The following EFR3A variants were observed in gnomAD, a reference collection of about 807,000 sequenced individuals.
EFR3A encodes the protein EFR3 homolog A.
In EFR3A, 76 loss-of-function variants were observed where a neutral mutation model predicts 104.4. The ratio of observed to expected loss-of-function variants is 0.73; its 90% confidence interval spans 0.60 to 0.88. The LOEUF is 0.88. EFR3A is among the 40% of genes least tolerant of loss of function. The probability of loss-of-function intolerance (pLI) is 0.00; values close to 1 mark genes in which losing one functional copy is unlikely to be tolerated. For synonymous variants in EFR3A, 330 were observed against 330.0 expected (o/e 1.00, Z 0.00); for missense variants, 985 against 1,012.5 (o/e 0.97, Z 0.37).
intron 1 of EFR3A, among the ~76,000 whole-genome samples, chr8:131,932,897 C>T (rs1319237760): frequency 1.3e-5 from 2 of 152,026 alleles, no homozygotes; most frequent in African/African-American, 4.8e-5. Context: ...TTGCCTTATG[C>T]CTTTCCTCTG....
At chr8:131,964,880 G>C (rs1015644242) in intron 8 of EFR3A, among the ~76,000 whole-genome samples, 1 of 143,436 alleles carries the variant, frequency 7.0e-6, no homozygotes, top group African/African-American at 2.5e-5. Flanking sequence ...ATAGACCAAT[G>C]GAACAGAACA....
intron 14 of EFR3A, 132 bp downstream of exon 14, chr8:131,979,553 A>G (rs2130736246): frequency 1.6e-6 from 1 of 606,938 alleles, no homozygotes; most frequent in East Asian, 2.9e-5. Flanking sequence ...TCAAGACGCC[A>G]TCTTCAGCCT....
intron 1 of EFR3A, among the ~76,000 whole-genome samples, chr8:131,934,254 C>A (rs1817761856): frequency 6.6e-6 from 1 of 152,106 alleles, no homozygotes; most frequent in East Asian, 1.9e-4. Flanking sequence ...GCCGTCCTGC[C>A]TAGTGTTGCT....
chr8:131,970,196 G>T (rs1484574595), intron 9 of EFR3A, among the ~76,000 whole-genome samples: 1 of 152,120 alleles, frequency 6.6e-6, no homozygotes, highest in African/African-American at 2.4e-5. Context: ...AAAGTTTTTG[G>T]TAATTCTTAT....
chr8:131,988,223 G>T (rs1820998022), intron 18 of EFR3A, among the ~76,000 whole-genome samples: 1 of 151,574 alleles, frequency 6.6e-6, no homozygotes, highest in Non-Finnish European at 1.5e-5. Flanking sequence ...AATTCTGTTT[G>T]AAGGCAAAAT....
chr8:131,943,154 A>C (rs1422115391), intron 2 of EFR3A, among the ~76,000 whole-genome samples: 1 of 152,082 alleles, frequency 6.6e-6, no homozygotes, highest in East Asian at 1.9e-4. Context: ...TGGATTAGGG[A>C]TATCTAAGTA....
chr8:131,948,775 A>G (rs919399185), intron 4 of EFR3A, among the ~76,000 whole-genome samples: 2 of 152,126 alleles, frequency 1.3e-5, no homozygotes, highest in Admixed American at 1.3e-4. Flanking sequence ...ATGCCATGTT[A>G]TCTTGACCAA....
chr8:131,990,314 C>T (rs1821108466), intron 18 of EFR3A, among the ~76,000 whole-genome samples: 1 of 152,120 alleles, frequency 6.6e-6, no homozygotes, highest in African/African-American at 2.4e-5. Context: ...TTATTAGGGA[C>T]ATTTAGGGTC....
chr8:132,011,070 C>G lies in EFR3A; in HGVS notation c.*175C>G. ...GAAGTTTTGGAGCTATATATAATTT[C>G]GAGTACTTTCAAAGATAGATTTATG... On this transcript the variant is annotated 3_prime_UTR_variant, in exon 23 of 23. Transcript: ENST00000254624. 1 of 1,255,992 alleles carries G rather than the reference C, an allele frequency of 8.0e-7. No individual in the cohort carries two copies. The highest frequency in any genetic ancestry group is 1.0e-6 in the Non-Finnish European group (1 of 994,928). The allele number at this position is 1,255,992 out of a possible 1,614,324, so 77.8% of individuals were successfully genotyped here. A position where few individuals can be genotyped will look rare whatever the true frequency, so the allele number is the denominator to read the frequency against.
rs1444941270 is a variant in EFR3A, at chr8:131,953,973, TA to T, written c.638+13del. On this transcript the variant is annotated splice_region_variant and intron_variant, in intron 6 of 22. Coordinates refer to ENST00000254624, the MANE Select transcript of EFR3A (RefSeq NM_015137.6). Reference sequence around the variant, plus strand: ...AAGATAGAAGAAGTTGACAGGTATTTAAAAAAATATTAGTGTTGAGACAGTG... The same window carrying T: ...AAGATAGAAGAAGTTGACAGGTATTTAAAAAATATTAGTGTTGAGACAGTG... 6.6e-7 allele frequency: 1 copy of T among 1,524,896 alleles called. No individual in the cohort carries two copies. 94.5% of individuals were successfully genotyped at this position (1,524,896 alleles called of 1,614,324 possible).
At chr8:131,916,798 G>A (rs1350854559) in intron 1 of EFR3A, among the ~76,000 whole-genome samples, 7 of 152,138 alleles carry the variant, frequency 4.6e-5, no homozygotes, top group African/African-American at 9.7e-5. Flanking sequence ...AGAAACACTG[G>A]ACAGTCTCTT....
intron 8 of EFR3A, among the ~76,000 whole-genome samples, chr8:131,967,029 C>T (rs1337550128): frequency 6.6e-6 from 1 of 152,082 alleles, no homozygotes; most frequent in Non-Finnish European, 1.5e-5. Context: ...GCAGTGTCCC[C>T]ATTTGGACAG....
chr8:131,941,226 A>G lies in EFR3A; in HGVS notation c.87+651A>G, dbSNP rs911147268. On this transcript the variant is annotated intron_variant, in intron 2 of 22. Transcript: ENST00000254624. ...AATACTATTTAATTTTTGTATAACA[A>G]TTATTTTATTTGTGAAGATTACTGG... is the stretch of plus-strand genomic sequence containing the variant. 3.9e-5 allele frequency among the ~76,000 whole-genome samples: 6 copies of G among 152,040 alleles called. No homozygotes were observed. The East Asian group carries it at 7.7e-4, about 20-fold the overall frequency.
chr8:131,904,963 T>G (rs1020854437), intron 1 of EFR3A, among the ~76,000 whole-genome samples: 1 of 152,228 alleles, frequency 6.6e-6, no homozygotes, highest in African/African-American at 2.4e-5. Flanking sequence ...CCCCGGAGTC[T>G]GCATGTCTAA....
chr8:131,988,262 T>C (rs892186048), intron 18 of EFR3A, among the ~76,000 whole-genome samples: 2 of 152,104 alleles, frequency 1.3e-5, no homozygotes, highest in African/African-American at 4.8e-5. Context: ...CAACTTTTAC[T>C]GTAAAAATTA....
chr8:131,968,527 T>C (rs1819886120), intron 9 of EFR3A, 97 bp downstream of exon 9: 2 of 1,232,092 alleles, frequency 1.6e-6, no homozygotes, highest in Non-Finnish European at 2.2e-6. Context: ...TTAAGAATAT[T>C]TCTACACATT....
chr8:132,011,243 A>T lies in EFR3A; in HGVS notation c.*348A>T. The T allele has an allele frequency of 9.0e-6, 9 of 996,712 alleles. No individual in the cohort carries two copies. The highest frequency in any genetic ancestry group is 1.7e-5 in the African/African-American group (1 of 57,696). 61.7% of individuals were successfully genotyped at this position (996,712 alleles called of 1,614,324 possible). On this transcript the variant is annotated 3_prime_UTR_variant, in exon 23 of 23. Coordinates refer to ENST00000254624, the MANE Select transcript of EFR3A (RefSeq NM_015137.6). ...TAAGCCTTCAGAGGATTGAAACTGT[A>T]TAAATTGTTTATCTCTTAAACATCT...
chr8:131,953,860 CA>C lies in EFR3A; in HGVS notation c.535del (p.Thr179GlnfsTer30). On this transcript the variant is annotated frameshift_variant, in exon 6 of 23. Coordinates refer to ENST00000254624, the MANE Select transcript of EFR3A (RefSeq NM_015137.6). LOFTEE classifies it high-confidence loss of function. ...TTAGAGGTATTCAAGGTGTGGTTCGCAAAACAGTCAACGATGAACTTCGGGC... is the reference window on the plus strand; with the variant it reads ...TTAGAGGTATTCAAGGTGTGGTTCGCAAACAGTCAACGATGAACTTCGGGC... ...GIRGIQGVVR[K>X]TVNDELRATI... is the part of the protein sequence containing the mutation. 6.4e-7 allele frequency: 1 copy of C among 1,566,298 alleles called. No homozygotes were observed. Among genetic ancestry groups the C allele is most frequent in the East Asian group, 2.3e-5 (1 of 42,886 alleles).
At chr8:131,917,311 C>T (rs1423965868) in intron 1 of EFR3A, among the ~76,000 whole-genome samples, 1 of 152,178 alleles carries the variant, frequency 6.6e-6, no homozygotes, top group Admixed American at 6.5e-5. Flanking sequence ...ATACTGTTCT[C>T]CTTTCCTCCC....
Sources: allele counts gnomAD v4.1 joint callset (sites outside exome capture counted in the v4.1 genomes callset), GRCh38; gene constraint gnomAD v4.1.1; transcripts MANE v1.5; gene names NCBI Gene and HGNC (gene_info 2026-07-23, HGNC 2026-07-21).